The following ARHGEF38 variants were observed in gnomAD, a reference collection of about 807,000 sequenced individuals.
ARHGEF38 encodes Rho guanine nucleotide exchange factor 38, also known as Rho guanine nucleotide exchange factor (GEF) 38.
In ARHGEF38, 79 loss-of-function variants were observed where a neutral mutation model predicts 79.9. The ratio of observed to expected loss-of-function variants is 0.99; its 90% confidence interval spans 0.82 to 1.19. The LOEUF (loss-of-function observed/expected upper bound fraction) is 1.19. ARHGEF38 is among the 50% of genes most tolerant of loss of function. The pLI, the probability that ARHGEF38 is intolerant of heterozygous loss-of-function variation, is 0.00. For synonymous variants in ARHGEF38, 366 were observed against 328.3 expected, an observed-to-expected ratio of 1.11 and a Z score of -1.24; for missense variants, 962 against 907.2, an observed-to-expected ratio of 1.06 and a Z score of -0.78.
At chr4:105,590,135 GAAA>G (rs1167219591) in intron 2 of ARHGEF38, among the ~76,000 whole-genome samples, 1 of 141,392 alleles carries the variant, frequency 7.1e-6, no homozygotes, top group African/African-American at 3.0e-5. Flanking sequence ...AGGAAAGAAA[GAAA>G]AAAAAGAAAG....
Position 105,679,679 on chromosome 4 carries a change from T to C in ARHGEF38, c.*1742T>C, listed in dbSNP as rs1285349147. ...ATGCTTTTAAATTTAACTAAATCCA[T>C]TGTAGAAGGAACACCTACACATTTA... On this transcript the variant is annotated 3_prime_UTR_variant, in exon 14 of 14. Transcript: ENST00000420470. 3 of 794,032 alleles carry C rather than the reference T, an allele frequency of 3.8e-6. No homozygotes were observed. The highest frequency in any genetic ancestry group is 4.6e-6 in the Non-Finnish European group (2 of 437,168). The allele number at this position is 794,032 out of a possible 1,614,324, so 49.2% of individuals were successfully genotyped here.
chr4:105,572,977 C>T (rs1239981594), intron 1 of ARHGEF38, among the ~76,000 whole-genome samples: 1 of 152,106 alleles, frequency 6.6e-6, no homozygotes, highest in East Asian at 1.9e-4. Context: ...TTGCTTTTCC[C>T]TCATGATTAG....
rs528403203 is a variant in ARHGEF38, at chr4:105,677,345, T to C, written c.2149-407T>C. 3.0e-4 allele frequency among the ~76,000 whole-genome samples: 46 copies of C among 152,324 alleles called. 2 individuals carry two copies. The South Asian group carries it at 9.5e-3, about 32-fold the overall frequency. Reference sequence around the variant, plus strand: ...TTTTCTCTTGCTAAACTTATAGTGTTATTCCTACTACTCTCCCACTTTTCG... The same window carrying C: ...TTTTCTCTTGCTAAACTTATAGTGTCATTCCTACTACTCTCCCACTTTTCG... On this transcript the variant is annotated intron_variant, in intron 13 of 13. Transcript: ENST00000420470.
At chr4:105,631,736 A>AAAT in intron 4 of ARHGEF38, 2 of 874,746 alleles carry the variant, frequency 2.3e-6, no homozygotes, top group Non-Finnish European at 2.7e-6. Flanking sequence ...TTATATGTAT[A>AAAT]AATGTGGGTA....
chr4:105,624,322 T>G (rs1461069412), intron 3 of ARHGEF38, among the ~76,000 whole-genome samples: 1 of 152,222 alleles, frequency 6.6e-6, no homozygotes. Context: ...GCCACAGGCG[T>G]GAAATAATTT....
At chr4:105,576,293 T>G (rs902344662) in intron 1 of ARHGEF38, among the ~76,000 whole-genome samples, 2 of 152,198 alleles carry the variant, frequency 1.3e-5, no homozygotes, top group Admixed American at 6.5e-5. Context: ...GGAATGTGTT[T>G]CTGTTTGTTT....
intron 13 of ARHGEF38, among the ~76,000 whole-genome samples, chr4:105,672,901 C>T (rs996556511): frequency 6.6e-6 from 1 of 152,232 alleles, no homozygotes; most frequent in Non-Finnish European, 1.5e-5. Context: ...TGCCATGTGG[C>T]TGTCTCTATA....
chr4:105,586,462 G>A lies in ARHGEF38; in HGVS notation c.197-2786G>A, dbSNP rs115375605. ...ACAAATTTGTTCTCAACAAGTTGTT[G>A]AGCAGTATTGGAAAACCTAAGCATT... On this transcript the variant is annotated intron_variant, in intron 1 of 13. Coordinates refer to ENST00000420470, the MANE Select transcript of ARHGEF38 (RefSeq NM_001242729.2). Among the ~76,000 whole-genome samples the A allele has an allele frequency of 4.5e-3, 680 of 152,180 alleles. 2 individuals are homozygous for A. The highest frequency in any genetic ancestry group is 0.016 in the African/African-American group (664 of 41,476).
chr4:105,647,856 A>G (rs1729915668), intron 6 of ARHGEF38, among the ~76,000 whole-genome samples: 1 of 150,206 alleles, frequency 6.7e-6, no homozygotes, highest in African/African-American at 2.5e-5. Context: ...GTCTCCTTAC[A>G]TTGGGCACAG....
chr4:105,653,239 G>A (rs1730180463), intron 7 of ARHGEF38, among the ~76,000 whole-genome samples: 4 of 152,072 alleles, frequency 2.6e-5, no homozygotes, highest in South Asian at 4.2e-4. Context: ...TCTTAAGTCT[G>A]CTGAGTTATC....
At position 105,678,911 on chromosome 4, in the gene ARHGEF38, T is replaced by C. The variant is rs915619225; in HGVS notation, c.*974T>C. 3 of 157,320 alleles carry C rather than the reference T, an allele frequency of 1.9e-5. No individual in the cohort carries two copies. Among genetic ancestry groups the C allele is most frequent in the Non-Finnish European group, 4.2e-5 (3 of 71,578 alleles). 9.7% of individuals were successfully genotyped at this position (157,320 alleles called of 1,614,324 possible). A position where few individuals can be genotyped will look rare whatever the true frequency, so the allele number is the denominator to read the frequency against. On this transcript the variant is annotated 3_prime_UTR_variant, in exon 14 of 14. Transcript: ENST00000420470. Reference sequence around the variant, plus strand: ...TTTGTTTACAATCATTCTTGTGAAATACTTTTTTAAAAAAATACGATCAAC... The same window carrying C: ...TTTGTTTACAATCATTCTTGTGAAACACTTTTTTAAAAAAATACGATCAAC...
intron 1 of ARHGEF38, among the ~76,000 whole-genome samples, chr4:105,564,928 G>T (rs1165272683): frequency 6.6e-6 from 1 of 152,156 alleles, no homozygotes; most frequent in Non-Finnish European, 1.5e-5. Context: ...TTAAGCTTGG[G>T]TCAGGAAAGG....
Position 105,659,310 on chromosome 4 carries a change from C to A in ARHGEF38, c.1490C>A (p.Thr497Asn), listed in dbSNP as rs953989806. 1 of 1,536,014 alleles carries A rather than the reference C, an allele frequency of 6.5e-7. No individual in the cohort carries two copies. The highest frequency in any genetic ancestry group is 8.7e-7 in the Non-Finnish European group (1 of 1,146,876). ...TTGAACTGTCTATGCAGCTTCATTACCCTCCTTAGGGACCTGATGCTCGTG... is the reference window on the plus strand; with the variant it reads ...TTGAACTGTCTATGCAGCTTCATTAACCTCCTTAGGGACCTGATGCTCGTG... ...ILLNCLCSFI[T>N]LLRDLMLVAQ... Residue 497 changes from threonine to asparagine, a missense_variant, in exon 10 of 14, where the codon ACC becomes AAC. Thr to Asn is a moderately conservative substitution (Grantham distance 65). Coordinates refer to ENST00000420470, the MANE Select transcript of ARHGEF38 (RefSeq NM_001242729.2).
Position 105,667,698 on chromosome 4 carries a change from G to C in ARHGEF38, c.2143G>C (p.Glu715Gln), listed in dbSNP as rs749765197. ...TDVDSFQEVD[E>Q]QIFYAVHAFQ... ...TGTTGACAGTTTTCAAGAAGTAGAC[G>C]AACAGGTAAAAATTTGATGTAAAAA... Residue 715 changes from glutamate (E) to glutamine (Q), a missense_variant, in exon 13 of 14, where the codon GAA becomes CAA. Transcript: ENST00000420470. The C allele has an allele frequency of 2.0e-6, 3 of 1,536,022 alleles. No homozygotes were observed.
At chr4:105,587,244 G>C (rs1470941585) in intron 1 of ARHGEF38, among the ~76,000 whole-genome samples, 1 of 152,124 alleles carries the variant, frequency 6.6e-6, no homozygotes, top group Non-Finnish European at 1.5e-5. Context: ...GGAGTTTGAG[G>C]CTGCAGTGAG....
At chr4:105,561,479 A>AATGGAATG (rs1560684618) in intron 1 of ARHGEF38, 3 of 53,382 alleles carry the variant, frequency 5.6e-5, no homozygotes, top group African/African-American at 1.5e-4. Context: ...AGAATAGAAT[A>AATGGAATG]GAATAGAATA....
intron 2 of ARHGEF38, among the ~76,000 whole-genome samples, chr4:105,589,791 G>C (rs1727236486): frequency 6.6e-6 from 1 of 152,148 alleles, no homozygotes; most frequent in Admixed American, 6.6e-5. Context: ...CAGCACTTTG[G>C]GAGGCTGAGG....
At chr4:105,635,783 A>T (rs1361304543) in intron 4 of ARHGEF38, among the ~76,000 whole-genome samples, 1 of 152,024 alleles carries the variant, frequency 6.6e-6, no homozygotes, top group East Asian at 1.9e-4. Context: ...ATTGCCTAAA[A>T]TTATAGCAGC....
chr4:105,654,659 A>G (rs1346595552), intron 8 of ARHGEF38, among the ~76,000 whole-genome samples: 3 of 152,208 alleles, frequency 2.0e-5, no homozygotes, highest in Non-Finnish European at 2.9e-5. Flanking sequence ...GAAATTTCCA[A>G]TCCCATAAGA....
Sources: allele counts gnomAD v4.1 joint callset (sites outside exome capture counted in the v4.1 genomes callset), GRCh38; gene constraint gnomAD v4.1.1; transcripts MANE v1.5; gene names NCBI Gene and HGNC (gene_info 2026-07-23, HGNC 2026-07-21).